ANK3: variants seen among roughly 807,000 people sequenced by gnomAD.
ANK3 encodes the protein ankyrin-3.
A neutral mutation model predicts 370.9 loss-of-function variants in ANK3; 57 were observed. The observed-to-expected ratio is 0.15, with a 90% CI of 0.12 to 0.19. The LOEUF is 0.19. ANK3 is among the 10% of genes least tolerant of loss of function. ANK3 has a pLI of 1.00. For missense variants in ANK3, 4,439 were observed against 5,302.1 expected, an observed-to-expected ratio of 0.84 and a Z score of 5.06; for synonymous variants, 1,929 against 1,946.3, an observed-to-expected ratio of 0.99 and a Z score of 0.23.
intron 7 of ANK3, among the ~76,000 whole-genome samples, chr10:60,256,234 C>A (rs918327086): frequency 6.6e-6 from 1 of 152,246 alleles, no homozygotes; most frequent in African/African-American, 2.4e-5. Flanking sequence ...GGTGCCTGAA[C>A]AAATTGGTAG....
chr10:60,462,723 A>T (rs899353465), intron 2 of ANK3, among the ~76,000 whole-genome samples: 9 of 151,650 alleles, frequency 5.9e-5, no homozygotes, highest in Non-Finnish European at 1.3e-4. Flanking sequence ...TTTTAAATGT[A>T]TCAGTACCTA....
rs551617920 is a variant in ANK3 at position 60,581,629 on chromosome 10, G to T, written c.96+33557C>A. Among the ~76,000 whole-genome samples the T allele has an allele frequency of 4.0e-4, 61 of 151,216 alleles. No individual in the cohort carries two copies. In the East Asian group the frequency reaches 0.012, roughly 29 times the overall value. ...TTTTTTTGTAGTTTTTAGTAGAGATGGGGTTTCATCATCTTGGCCATGCTG... is the reference window on the plus strand; with the variant it reads ...TTTTTTTGTAGTTTTTAGTAGAGATTGGGTTTCATCATCTTGGCCATGCTG... On this transcript the variant is annotated intron_variant, in intron 2 of 43. Coordinates refer to the ANK3 transcript ENST00000373827.
At chr10:60,241,766 T>C (rs2097462524) in intron 7 of ANK3, among the ~76,000 whole-genome samples, 1 of 152,226 alleles carries the variant, frequency 6.6e-6, no homozygotes, top group Non-Finnish European at 1.5e-5. Flanking sequence ...TAGTATTTAC[T>C]TCTCCTTAAT....
At chr10:60,668,806 A>C (rs2079030794) in intron 1 of ANK3, among the ~76,000 whole-genome samples, 1 of 152,154 alleles carries the variant, frequency 6.6e-6, no homozygotes, top group Non-Finnish European at 1.5e-5. Flanking sequence ...AGCCTGGCCA[A>C]GACGGTGAAA....
At chr10:60,086,334 T>G (rs2132021262) in intron 30 of ANK3, among the ~76,000 whole-genome samples, 1 of 152,316 alleles carries the variant, frequency 6.6e-6, no homozygotes, top group South Asian at 2.1e-4. Context: ...CCATTACCTC[T>G]GTCTAGGTCA....
intron 1 of ANK3, among the ~76,000 whole-genome samples, chr10:60,315,185 A>G (rs2047145825): frequency 6.6e-6 from 1 of 152,206 alleles, no homozygotes; most frequent in South Asian, 2.1e-4. Flanking sequence ...AGGGCCAGAG[A>G]TAGAGGGTGT....
At chr10:60,650,041 C>T (rs1463152105) in intron 1 of ANK3, among the ~76,000 whole-genome samples, 3 of 152,158 alleles carry the variant, frequency 2.0e-5, no homozygotes, top group Non-Finnish European at 4.4e-5. Flanking sequence ...AATCTCCTGC[C>T]AATTCCCACT....
chr10:60,570,103 A>T (rs2077556009), intron 2 of ANK3, among the ~76,000 whole-genome samples: 6 of 152,236 alleles, frequency 3.9e-5, no homozygotes, highest in Admixed American at 3.9e-4. Context: ...CCTTTGAAAG[A>T]TATCTACTTT....
intron 2 of ANK3, among the ~76,000 whole-genome samples, chr10:60,470,685 C>T (rs1186555120): frequency 4.6e-5 from 7 of 152,180 alleles, no homozygotes; most frequent in African/African-American, 9.6e-5. Context: ...GCTCTTACTG[C>T]AACCCTTCCA....
intron 1 of ANK3, among the ~76,000 whole-genome samples, chr10:60,695,410 TTCTACAGAAC>T: frequency 6.6e-6 from 1 of 152,126 alleles, no homozygotes; most frequent in Non-Finnish European, 1.5e-5. Context: ...CCTAATAGAC[TTCTACAGAAC>T]TCTCCACCCC....
chr10:60,193,152 C>A (rs1340222641), intron 16 of ANK3, among the ~76,000 whole-genome samples: 2 of 152,156 alleles, frequency 1.3e-5, no homozygotes, highest in African/African-American at 4.8e-5. Context: ...AAATGAGAAT[C>A]AATGTCCCAT....
Position 60,240,107 on chromosome 10 carries a change from T to TACAC in ANK3, c.799-5322_799-5321insGTGT, listed in dbSNP as rs1565913842. Among the ~76,000 whole-genome samples, 6 of 114,610 alleles carry TACAC rather than the reference T, an allele frequency of 5.2e-5. No homozygotes were observed. In the East Asian group the frequency reaches 1.6e-3, roughly 30 times the overall value. 75.2% of individuals were successfully genotyped at this position (114,610 alleles called of 152,430 possible). On this transcript the variant is annotated intron_variant, in intron 7 of 43. Coordinates refer to ENST00000280772, the MANE Select transcript of ANK3 (RefSeq NM_020987.5). Reference sequence around the variant, plus strand: ...TACACTATATATACACACACATAAATACATATATATACACACATATATATA... The same window carrying TACAC: ...TACACTATATATACACACACATAAATACACACATATATATACACACATATATATA...
intron 1 of ANK3, chr10:60,685,072 A>T: frequency 7.8e-7 from 1 of 1,277,162 alleles, no homozygotes; most frequent in South Asian, 1.2e-5. Context: ...CATTAAAGAA[A>T]AGATGAATAT....
chr10:60,072,433 C>T lies in ANK3; in HGVS notation c.8448G>A (p.Met2816Ile), dbSNP rs1228706230. The change falls in exon 37 of 44, where the codon ATG (methionine) becomes ATA (isoleucine). Residue 2816 changes from methionine to isoleucine, a missense_variant. Met to Ile is a conservative substitution (Grantham distance 10). Around this residue, in one of 13 missense-constraint regions of ANK3, gnomAD observed 1,601 missense variants for 1,731.7 expected, o/e 0.92. Transcript: ENST00000280772. ...AAGAGTCAGGCATTGCTTTACTTGA[C>T]ATTTCAGTTCTCTGTTTTTTCACAT... ...SDNVKKQRTE[M>I]SSKAMPDSFS... The T allele has an allele frequency of 6.2e-7, 1 of 1,614,062 alleles. No homozygotes were observed. Among genetic ancestry groups the T allele is most frequent in the Admixed American group, 1.7e-5 (1 of 60,002 alleles).
chr10:60,566,251 G>A (rs973537549), intron 2 of ANK3, among the ~76,000 whole-genome samples: 3 of 152,014 alleles, frequency 2.0e-5, no homozygotes, highest in African/African-American at 7.3e-5. Flanking sequence ...ATCTACCTGG[G>A]CCTCCCTATT....
At chr10:60,503,969 A>T (rs1359447853) in intron 2 of ANK3, among the ~76,000 whole-genome samples, 1 of 152,218 alleles carries the variant, frequency 6.6e-6, no homozygotes, top group Admixed American at 6.5e-5. Flanking sequence ...AAAAAGAATG[A>T]TTCTAACAGT....
At chr10:60,699,974 T>A (rs900852347) in intron 1 of ANK3, among the ~76,000 whole-genome samples, 1 of 152,176 alleles carries the variant, frequency 6.6e-6, no homozygotes, top group Non-Finnish European at 1.5e-5. Flanking sequence ...TTAGGGGATG[T>A]AAAGATCCCA....
rs1021881520 is a variant in ANK3, at chr10:60,063,274, G to A, written c.12452-20C>T. ...CATCAGCTGAAAAGGAGAAAAAAAG[G>A]TTGAAAACCCAATTAAATTATGTTC... On this transcript the variant is annotated intron_variant, in intron 39 of 43. Coordinates refer to ENST00000280772, the MANE Select transcript of ANK3 (RefSeq NM_020987.5). 15 of 1,594,738 alleles carry A rather than the reference G, an allele frequency of 9.4e-6. No individual in the cohort carries two copies. The African/African-American group carries it at 1.1e-4, about 11-fold the overall frequency.
chr10:60,430,003 T>C (rs564281510), intron 2 of ANK3, among the ~76,000 whole-genome samples: 8 of 152,348 alleles, frequency 5.3e-5, no homozygotes, highest in African/African-American at 1.9e-4. Flanking sequence ...ATTTATCCTA[T>C]GTGGATGCAG....
Sources: allele counts gnomAD v4.1 joint callset (sites outside exome capture counted in the v4.1 genomes callset), GRCh38; gene constraint gnomAD v4.1.1; regional missense constraint gnomAD v4.1.1; transcripts MANE v1.5; gene names NCBI Gene and HGNC (gene_info 2026-07-23, HGNC 2026-07-21).